ARIH1: variants seen among roughly 807,000 people sequenced by gnomAD.
ARIH1 encodes E3 ubiquitin-protein ligase ARIH1.
A neutral mutation model predicts 85.0 loss-of-function variants in ARIH1; 8 were observed. That is an observed-to-expected ratio of 0.09 (90% CI 0.06 to 0.17). The LOEUF (loss-of-function observed/expected upper bound fraction) is 0.17. Ranked by LOEUF, ARIH1 falls within the 10% of genes least tolerant of loss-of-function variation. The pLI is 1.00. For missense variants in ARIH1, 311 were observed against 718.1 expected (o/e 0.43, Z 6.48); for synonymous variants, 238 against 253.6 (o/e 0.94, Z 0.59).
At chr15:72,495,766 A>G (rs917386120) in intron 1 of ARIH1, among the ~76,000 whole-genome samples, 3 of 152,194 alleles carry the variant, frequency 2.0e-5, no homozygotes, top group Non-Finnish European at 4.4e-5. Context: ...TCAAAACACA[A>G]TATTTATACT....
chr15:72,569,870 G>A (rs976785624), intron 9 of ARIH1, among the ~76,000 whole-genome samples: 1 of 152,130 alleles, frequency 6.6e-6, no homozygotes, highest in African/African-American at 2.4e-5. Flanking sequence ...TAAGGCTTTA[G>A]TGACCTATGA....
intron 1 of ARIH1, among the ~76,000 whole-genome samples, chr15:72,516,214 C>T (rs2063974425): frequency 6.6e-6 from 1 of 152,144 alleles, no homozygotes; most frequent in South Asian, 2.1e-4. Context: ...TTACCCCAAG[C>T]ACCCTATCCA....
chr15:72,485,252 G>A (rs991025396), intron 1 of ARIH1, among the ~76,000 whole-genome samples: 5 of 152,152 alleles, frequency 3.3e-5, no homozygotes, highest in African/African-American at 7.2e-5. Context: ...TAATGACATT[G>A]ATGTGATCTT....
intron 7 of ARIH1, chr15:72,566,279 T>C (rs778308119): frequency 2.6e-6 from 1 of 377,810 alleles, no homozygotes; most frequent in African/African-American, 2.1e-5. Flanking sequence ...CTTCTCAATA[T>C]AGTCTGAGGC....
intron 1 of ARIH1, among the ~76,000 whole-genome samples, chr15:72,479,358 A>T (rs1013547615): frequency 1.3e-5 from 2 of 152,084 alleles, no homozygotes; most frequent in Non-Finnish European, 2.9e-5. Flanking sequence ...GAGGAGGTAT[A>T]AAAAACAGTG....
At chr15:72,486,433 G>A (rs1382808192) in intron 1 of ARIH1, among the ~76,000 whole-genome samples, 1 of 152,042 alleles carries the variant, frequency 6.6e-6, no homozygotes, top group East Asian at 1.9e-4. Context: ...AAAAAACATA[G>A]CATGTATAAG....
chr15:72,543,540 A>G (rs1448105629), intron 2 of ARIH1, among the ~76,000 whole-genome samples: 1 of 152,110 alleles, frequency 6.6e-6, no homozygotes, highest in African/African-American at 2.4e-5. Flanking sequence ...TGCTGTAGTC[A>G]AAGTATTTAT....
chr15:72,595,128 G>C lies in ARIH1; in HGVS notation c.*11836G>C, dbSNP rs890954759. 5 of 152,102 alleles carry C rather than the reference G, an allele frequency of 3.3e-5. No individual in the cohort carries two copies. Among genetic ancestry groups the C allele is most frequent in the African/African-American group, 1.2e-4 (5 of 41,432 alleles). The allele number at this position is 152,102 out of a possible 1,614,324, so 9.4% of individuals were successfully genotyped here. A position where few individuals can be genotyped will look rare whatever the true frequency, so the allele number is the denominator to read the frequency against. ...TTTTGTTAAGATGGTATGTTACAGG[G>C]GTTGGCAAACTGTGGCCCATGGGCC... On this transcript the variant is annotated 3_prime_UTR_variant, in exon 14 of 14. Coordinates refer to ENST00000379887, the MANE Select transcript of ARIH1 (RefSeq NM_005744.5).
At chr15:72,496,260 C>T (rs117063984) in intron 1 of ARIH1, among the ~76,000 whole-genome samples, 19 of 152,238 alleles carry the variant, frequency 1.2e-4, no homozygotes, top group Non-Finnish European at 2.5e-4. Context: ...CTAAATAATA[C>T]TGTTACATAT....
At chr15:72,501,115 G>T (rs1053655740) in intron 1 of ARIH1, among the ~76,000 whole-genome samples, 1 of 152,120 alleles carries the variant, frequency 6.6e-6, no homozygotes, top group Non-Finnish European at 1.5e-5. Flanking sequence ...GATAGAGAAT[G>T]TACTGGAGAT....
chr15:72,482,833 C>G (rs1321225749), intron 1 of ARIH1, among the ~76,000 whole-genome samples: 1 of 104,530 alleles, frequency 9.6e-6, no homozygotes. Context: ...GCAGTTCTCT[C>G]TCTCTCTTTT....
Position 72,544,948 on chromosome 15 carries a change from T to C in ARIH1, c.572T>C (p.Leu191Ser). 6.2e-7 allele frequency: 1 copy of C among 1,603,456 alleles called. No individual in the cohort carries two copies. The highest frequency in any genetic ancestry group is 1.3e-5 in the African/African-American group (1 of 74,884). The change falls in exon 3 of 14, where the codon TTG becomes TCG. Residue 191 changes from leucine (L) to serine (S), a missense_variant. Physicochemically the swap from Leu to Ser is moderately radical, Grantham distance 145. Transcript: ENST00000379887. ...GATATGCCTTGTCAGATCTGCTACT[T>C]GAACTACCCTAACTCGGTGAGTATC... Reference protein sequence around the residue: ...AQDMPCQICYLNYPNSYFTGL... With the variant: ...AQDMPCQICYSNYPNSYFTGL...
At chr15:72,508,567 A>G (rs1196037624) in intron 1 of ARIH1, among the ~76,000 whole-genome samples, 1 of 152,222 alleles carries the variant, frequency 6.6e-6, no homozygotes, top group Non-Finnish European at 1.5e-5. Context: ...TAACTTGCAT[A>G]AAATATTGAT....
intron 3 of ARIH1, among the ~76,000 whole-genome samples, chr15:72,547,963 T>G (rs140220397): frequency 6.6e-6 from 1 of 152,340 alleles, no homozygotes; most frequent in African/African-American, 2.4e-5. Flanking sequence ...AAATCATGAC[T>G]TGAGATTTAC....
At chr15:72,513,328 A>G (rs2063958132) in intron 1 of ARIH1, among the ~76,000 whole-genome samples, 1 of 152,146 alleles carries the variant, frequency 6.6e-6, no homozygotes, top group Non-Finnish European at 1.5e-5. Flanking sequence ...TGGTTGCTCT[A>G]GGGAGTATAA....
chr15:72,512,264 T>G (rs2063954076), intron 1 of ARIH1, among the ~76,000 whole-genome samples: 1 of 152,072 alleles, frequency 6.6e-6, no homozygotes, highest in Non-Finnish European at 1.5e-5. Flanking sequence ...TGACACCATT[T>G]TTGGTCCATG....
chr15:72,513,912 G>A (rs901330706), intron 1 of ARIH1, among the ~76,000 whole-genome samples: 4 of 145,442 alleles, frequency 2.8e-5, no homozygotes, highest in African/African-American at 1.0e-4. Flanking sequence ...TCTTGTCTGA[G>A]GCTGGAAGGC....
chr15:72,533,893 T>A (rs1314021043), intron 2 of ARIH1, among the ~76,000 whole-genome samples: 2 of 151,996 alleles, frequency 1.3e-5, no homozygotes, highest in Non-Finnish European at 2.9e-5. Flanking sequence ...GGCGACAGAG[T>A]GAGACCCTGT....
intron 1 of ARIH1, among the ~76,000 whole-genome samples, chr15:72,513,216 C>T (rs1159274683): frequency 6.6e-6 from 1 of 152,038 alleles, no homozygotes; most frequent in Non-Finnish European, 1.5e-5. Flanking sequence ...TCTCTTTGTT[C>T]CTCCTTTTTC....
Sources: allele counts gnomAD v4.1 joint callset (sites outside exome capture counted in the v4.1 genomes callset), GRCh38; gene constraint gnomAD v4.1.1; transcripts MANE v1.5; gene names NCBI Gene and HGNC (gene_info 2026-07-23, HGNC 2026-07-21).